ARHGAP9: variants seen among roughly 807,000 people sequenced by gnomAD.
ARHGAP9 encodes rho GTPase-activating protein 9.
ARHGAP9 carries 76 observed loss-of-function variants against 87.3 expected under a neutral mutation model. The observed-to-expected ratio is 0.87, with a 90% CI of 0.72 to 1.05. The LOEUF (loss-of-function observed/expected upper bound fraction) is 1.05. Ranked by LOEUF, ARHGAP9 falls within the 50% of genes least tolerant of loss-of-function variation. The probability of loss-of-function intolerance (pLI) is 0.00; values close to 1 mark genes in which losing one functional copy is unlikely to be tolerated. For synonymous variants in ARHGAP9, 382 were observed against 394.9 expected (o/e 0.97, Z 0.39); for missense variants, 941 against 960.5 (o/e 0.98, Z 0.27).
At chr12:57,485,573 A>G (rs1481616151) in intron 1 of ARHGAP9, among the ~76,000 whole-genome samples, 5 of 147,924 alleles carry the variant, frequency 3.4e-5, no homozygotes, top group African/African-American at 7.5e-5. Flanking sequence ...AAAAAAAACA[A>G]AAAAACTATT....
chr12:57,476,571 C>T lies in ARHGAP9; in HGVS notation c.1025+19G>A, dbSNP rs762717605. The T allele has an allele frequency of 3.1e-6, 5 of 1,614,134 alleles. No individual in the cohort carries two copies. The Admixed American group carries it at 8.3e-5, about 27-fold the overall frequency. Reference sequence around the variant, plus strand: ...ATGGAGTTGACAGCCCAGGCCCTAGCTGTATTCTGGGTTCTCACCTGAGCT... The same window carrying T: ...ATGGAGTTGACAGCCCAGGCCCTAGTTGTATTCTGGGTTCTCACCTGAGCT... On this transcript the variant is annotated intron_variant, in intron 7 of 17. Transcript: ENST00000393791.
intron 16 of ARHGAP9, 97 bp from the exon 17 acceptor site, chr12:57,473,805 C>A: frequency 8.1e-7 from 1 of 1,236,848 alleles, no homozygotes; most frequent in South Asian, 1.3e-5. Context: ...GCATGGAAGA[C>A]ATCATTAATC....
In ARHGAP9 at chr12:57,475,845, G is replaced by A; in HGVS notation, c.1299C>T (p.Val433=). The A allele has an allele frequency of 6.2e-7, 1 of 1,613,838 alleles. No individual in the cohort carries two copies. Among genetic ancestry groups the A allele is most frequent in the Non-Finnish European group, 8.5e-7 (1 of 1,179,892 alleles). Residue 433 remains valine (V), a synonymous_variant, in exon 10 of 18, where the codon GTC becomes GTT. Coordinates refer to ENST00000393791, the MANE Select transcript of ARHGAP9 (RefSeq NM_032496.4). ...LRAWHRALRT[V]IERLDRENPL... Reference sequence around the variant, plus strand: ...CCACCCATCTAACCAGCCGCTCGATGACAGTCCGCAGCGCGCGGTGCCAGG... The same window carrying A: ...CCACCCATCTAACCAGCCGCTCGATAACAGTCCGCAGCGCGCGGTGCCAGG...
At position 57,473,633 on chromosome 12, in the gene ARHGAP9, G is replaced by C; in HGVS notation, c.1994C>G (p.Thr665Ser). The C allele has an allele frequency of 6.2e-7, 1 of 1,613,910 alleles. No homozygotes were observed. Among genetic ancestry groups the C allele is most frequent in the Non-Finnish European group, 8.5e-7 (1 of 1,179,822 alleles). Reference sequence around the variant, plus strand: ...TAAATGCTCCAGGAGGTACCGTAGAGTGTCATGGTTGGGCTTTGGCATTGA... The same window carrying C: ...TAAATGCTCCAGGAGGTACCGTAGACTGTCATGGTTGGGCTTTGGCATTGA... ...IGSMPKPNHD[T>S]LRYLLEHLCR... The change falls in exon 17 of 18, where the codon ACT becomes AGT. Residue 665 changes from threonine to serine, a missense_variant. Transcript: ENST00000393791.
At chr12:57,478,423 G>T in intron 3 of ARHGAP9, 117 bp downstream of exon 3, 2 of 1,050,854 alleles carry the variant, frequency 1.9e-6, no homozygotes, top group Middle Eastern at 3.1e-4. Context: ...GTAGTACCAA[G>T]CGTTATCTTA....
chr12:57,480,693 G>T, upstream of ARHGAP9: 1 of 1,329,020 alleles, frequency 7.5e-7, no homozygotes, highest in Non-Finnish European at 1.1e-6. Flanking sequence ...GGGGACTGAT[G>T]CCAGCTTCTC....
At chr12:57,488,823 T>A, upstream of ARHGAP9, 1 of 785,286 alleles carries the variant, frequency 1.3e-6, no homozygotes, top group Non-Finnish European at 2.1e-6. Flanking sequence ...GCTGGCAGTT[T>A]CAGCTGAACA....
chr12:57,487,879 A>C, intron 1 of ARHGAP9: 1 of 410,512 alleles, frequency 2.4e-6, no homozygotes. Flanking sequence ...AAAAAAGTGC[A>C]GTCTAGCCCG....
Position 57,478,644 on chromosome 12 carries a change from T to C in ARHGAP9, c.430A>G (p.Ser144Gly), listed in dbSNP as rs1244804552. The C allele has an allele frequency of 1.9e-6, 3 of 1,614,036 alleles. No homozygotes were observed. Among genetic ancestry groups the C allele is most frequent in the Non-Finnish European group, 2.5e-6 (3 of 1,180,038 alleles). ...PLPRKMCRSV[S>G]TDNLSPSLLK... is the part of the protein sequence containing the mutation. ...AGGCTGGGGCTCAGATTGTCAGTGC[T>C]GACGCTCCTACACATTTTGCGGGGA... Residue 144 changes from serine to glycine, a missense_variant, in exon 3 of 18, where the codon AGC (serine) becomes GGC (glycine). Physicochemically the swap from Ser to Gly is moderately conservative, Grantham distance 56. Transcript: ENST00000393791.
chr12:57,472,556 G>A lies in ARHGAP9; in HGVS notation c.2157C>T (p.Val719=), dbSNP rs779202520. ...AAHALYPGQL[V]QLMLTNFTSL... ...TGGTGAAGTTGGTGAGCATCAGCTGGACCAGCTGCCCTGGGTAGAGAGCAT... is the reference window on the plus strand; with the variant it reads ...TGGTGAAGTTGGTGAGCATCAGCTGAACCAGCTGCCCTGGGTAGAGAGCAT... Residue 719 remains valine (V), a synonymous_variant, in exon 18 of 18, where the codon GTC becomes GTT. Transcript: ENST00000393791. The A allele has an allele frequency of 1.3e-5, 21 of 1,614,080 alleles. No individual in the cohort carries two copies. Among genetic ancestry groups the A allele is most frequent in the East Asian group, 2.2e-5 (1 of 44,900 alleles).
In ARHGAP9 at chr12:57,475,554, C is replaced by T. The variant is rs1565615113; in HGVS notation, c.1373G>A (p.Gly458Glu). Residue 458 changes from glycine to glutamate, a missense_variant, in exon 11 of 18, where the codon GGG becomes GAG. Physicochemically the swap from Gly to Glu is moderately conservative, Grantham distance 98. Transcript: ENST00000393791. ...CTCCGACTCCTCTTCTTCGTCCTCCCCGGCGCTCAGCTCCGCGGGTCCAGA... is the reference window on the plus strand; with the variant it reads ...CTCCGACTCCTCTTCTTCGTCCTCCTCGGCGCTCAGCTCCGCGGGTCCAGA... Reference protein sequence around the residue: ...SGSGPAELSAGEDEEEESELV... With the variant: ...SGSGPAELSAEEDEEEESELV... The T allele has an allele frequency of 1.2e-6, 2 of 1,609,458 alleles. No homozygotes were observed. The highest frequency in any genetic ancestry group is 4.5e-5 in the East Asian group (2 of 44,708).
At chr12:57,483,055 T>A (rs1331630455), upstream of ARHGAP9, among the ~76,000 whole-genome samples, 4 of 150,400 alleles carry the variant, frequency 2.7e-5, no homozygotes, top group East Asian at 1.9e-4. Flanking sequence ...GCTAAGATCA[T>A]GCCACTGCGC....
chr12:57,473,846 C>A, intron 16 of ARHGAP9, 138 bp from the exon 17 acceptor site: 1 of 1,196,076 alleles, frequency 8.4e-7, no homozygotes, highest in South Asian at 1.5e-5. Flanking sequence ...CATAGCCCAA[C>A]TATAGCCTCA....
At position 57,476,351 on chromosome 12, in the gene ARHGAP9, C is replaced by T. The variant is rs1417057860; in HGVS notation, c.1116+13G>A. ...GCGCCCGCACCCATCCTGCGCCTCTCGCTCACACTCACCCAGCCTGAGGAG... is the reference window on the plus strand; with the variant it reads ...GCGCCCGCACCCATCCTGCGCCTCTTGCTCACACTCACCCAGCCTGAGGAG... On this transcript the variant is annotated intron_variant, in intron 8 of 17. Transcript: ENST00000393791. The T allele has an allele frequency of 6.2e-7, 1 of 1,613,162 alleles. No individual in the cohort carries two copies. Among genetic ancestry groups the T allele is most frequent in the Non-Finnish European group, 8.5e-7 (1 of 1,179,694 alleles).
At position 57,479,725 on chromosome 12, in the gene ARHGAP9, A is replaced by G. The variant is rs933453999; in HGVS notation, c.-19+5T>C. On this transcript the variant is annotated splice_donor_5th_base_variant and intron_variant, in intron 1 of 17. Coordinates refer to ENST00000393791, the MANE Select transcript of ARHGAP9 (RefSeq NM_032496.4). Reference sequence around the variant, plus strand: ...GACCTAGGCCAGTAGTTTTCCTCCAAGTACCTTGTGGGGCCCATCAGAAGA... The same window carrying G: ...GACCTAGGCCAGTAGTTTTCCTCCAGGTACCTTGTGGGGCCCATCAGAAGA... The G allele has an allele frequency of 2.6e-6, 4 of 1,550,836 alleles. No homozygotes were observed. The highest frequency in any genetic ancestry group is 3.5e-6 in the Non-Finnish European group (4 of 1,147,006).
intron 17 of ARHGAP9, among the ~76,000 whole-genome samples, chr12:57,473,014 A>G (rs1872351694): frequency 6.6e-6 from 1 of 152,244 alleles, no homozygotes; most frequent in Middle Eastern, 3.2e-3. Flanking sequence ...AGAAGCCATC[A>G]GCAATGTCCC....
upstream of ARHGAP9, chr12:57,484,039 TCA>T: frequency 1.0e-4 from 7 of 68,490 alleles, no homozygotes; most frequent in South Asian, 1.4e-3. Flanking sequence ...AGACCCTGTC[TCA>T]AAAAAAAAAA....
At chr12:57,488,272 C>T (rs557994783) in intron 1 of ARHGAP9, 23 of 1,415,454 alleles carry the variant, frequency 1.6e-5, no homozygotes, top group Middle Eastern at 4.5e-4. Flanking sequence ...CTGCAGCTGT[C>T]TTTGCCAAAC....
rs958891473 is a variant in ARHGAP9, at chr12:57,488,297, A to G, written c.-204+315T>C. ...CTTTGCCAAACCCCTAGCCCTCGCC[A>G]CACACCCCAATCGACCACTTCTCCT... On this transcript the variant is annotated intron_variant, in intron 1 of 20. Coordinates refer to the ARHGAP9 transcript ENST00000393797. The G allele has an allele frequency of 2.0e-5, 23 of 1,138,554 alleles. 1 individual carries two copies. The highest frequency in any genetic ancestry group is 4.0e-5 in the Admixed American group (2 of 50,468). 70.5% of individuals were successfully genotyped at this position (1,138,554 alleles called of 1,614,324 possible).
Sources: allele counts gnomAD v4.1 joint callset (sites outside exome capture counted in the v4.1 genomes callset), GRCh38; gene constraint gnomAD v4.1.1; transcripts MANE v1.5; gene names NCBI Gene and HGNC (gene_info 2026-07-23, HGNC 2026-07-21).